PAK5: variants seen among roughly 807,000 people sequenced by gnomAD.
PAK5 encodes the protein serine/threonine-protein kinase PAK 5.
In PAK5, 16 loss-of-function variants were observed where a neutral mutation model predicts 65.9. That is an observed-to-expected ratio of 0.24 (90% CI 0.16 to 0.37). The LOEUF is 0.37. PAK5 is among the 10% of genes least tolerant of loss of function. The pLI is 1.00. For missense variants in PAK5, 785 were observed against 903.9 expected (o/e 0.87, Z 1.69); for synonymous variants, 371 against 354.9 (o/e 1.05, Z -0.51).
chr20:9,783,570 G>T (rs1010634334), intron 1 of PAK5, among the ~76,000 whole-genome samples: 1 of 152,100 alleles, frequency 6.6e-6, no homozygotes, highest in African/African-American at 2.4e-5. Flanking sequence ...TAAATCTCAA[G>T]AAGGTTACCT....
chr20:9,657,932 C>T (rs1389785383), intron 2 of PAK5, among the ~76,000 whole-genome samples: 1 of 152,088 alleles, frequency 6.6e-6, no homozygotes, highest in African/African-American at 2.4e-5. Context: ...CTAGATAGTC[C>T]CAGATTCTCC....
intron 1 of PAK5, among the ~76,000 whole-genome samples, chr20:9,718,151 T>C (rs2048171873): frequency 6.6e-6 from 1 of 151,958 alleles, no homozygotes. Context: ...TTATATACCA[T>C]AGAATTTTAG....
chr20:9,712,989 T>C (rs769837520), intron 1 of PAK5, among the ~76,000 whole-genome samples: 20 of 151,854 alleles, frequency 1.3e-4, no homozygotes, highest in South Asian at 2.1e-4. Flanking sequence ...CTCAAAAGAA[T>C]AGGCAAAAAA....
intron 1 of PAK5, among the ~76,000 whole-genome samples, chr20:9,806,151 T>C (rs898429739): frequency 3.3e-5 from 5 of 151,942 alleles, no homozygotes; most frequent in Admixed American, 2.0e-4. Context: ...TTTATTTATT[T>C]ATTTATTTTG....
chr20:9,663,961 A>G (rs2047379400), intron 2 of PAK5, among the ~76,000 whole-genome samples: 1 of 152,212 alleles, frequency 6.6e-6, no homozygotes, highest in Non-Finnish European at 1.5e-5. Flanking sequence ...GCAATGCTAC[A>G]TAGCAGGGAG....
intron 8 of PAK5, among the ~76,000 whole-genome samples, chr20:9,543,798 G>C (rs2045303580): frequency 6.6e-6 from 1 of 152,058 alleles, no homozygotes; most frequent in Admixed American, 6.5e-5. Context: ...ACATTTCCAG[G>C]CCCTACCTCT....
intron 4 of PAK5, among the ~76,000 whole-genome samples, chr20:9,570,558 G>A (rs1248594812): frequency 6.6e-6 from 1 of 152,208 alleles, no homozygotes; most frequent in Non-Finnish European, 1.5e-5. Flanking sequence ...GTCAGTGTAA[G>A]TTAAACAACT....
At chr20:9,687,546 G>A (rs565326544) in intron 2 of PAK5, among the ~76,000 whole-genome samples, 57 of 152,246 alleles carry the variant, frequency 3.7e-4, no homozygotes, top group South Asian at 1.5e-3. Flanking sequence ...ATACAGGGGC[G>A]TCTTTGGGTA....
chr20:9,633,322 G>GA (rs1195772192), intron 3 of PAK5, among the ~76,000 whole-genome samples: 10 of 152,056 alleles, frequency 6.6e-5, no homozygotes, highest in Non-Finnish European at 7.4e-5. Context: ...TGAGAAAAAT[G>GA]AAAAATTGAG....
chr20:9,741,961 G>A (rs966319941), intron 1 of PAK5, among the ~76,000 whole-genome samples: 1 of 152,122 alleles, frequency 6.6e-6, no homozygotes, highest in Non-Finnish European at 1.5e-5. Context: ...CAGGGATCTT[G>A]CCTTTGTGTC....
chr20:9,813,857 G>T (rs6118742), intron 1 of PAK5, among the ~76,000 whole-genome samples: 1 of 152,162 alleles, frequency 6.6e-6, no homozygotes, highest in East Asian at 1.9e-4. Flanking sequence ...CTTGTACAAA[G>T]GTGTGCTCAC....
intron 1 of PAK5, among the ~76,000 whole-genome samples, chr20:9,825,930 T>A (rs527537276): frequency 6.6e-6 from 1 of 152,292 alleles, no homozygotes; most frequent in East Asian, 1.9e-4. Context: ...TTATATTCAC[T>A]CAAATTCAAA....
chr20:9,757,044 T>C (rs534007165), intron 1 of PAK5, among the ~76,000 whole-genome samples: 37 of 152,278 alleles, frequency 2.4e-4, no homozygotes, highest in African/African-American at 8.9e-4. Flanking sequence ...CCCAGCAGGA[T>C]TGAGCACCAG....
intron 6 of PAK5, among the ~76,000 whole-genome samples, chr20:9,559,574 C>A (rs1170292555): frequency 1.3e-5 from 2 of 152,060 alleles, no homozygotes; most frequent in African/African-American, 4.8e-5. Flanking sequence ...CCAGCCTGGC[C>A]AACATGGTGA....
chr20:9,767,517 T>G (rs1001960086), intron 1 of PAK5, among the ~76,000 whole-genome samples: 2 of 152,230 alleles, frequency 1.3e-5, no homozygotes, highest in African/African-American at 4.8e-5. Flanking sequence ...GGACATAGGC[T>G]CTGTAAGAGT....
intron 1 of PAK5, among the ~76,000 whole-genome samples, chr20:9,716,283 T>A (rs2048146248): frequency 6.6e-6 from 1 of 152,200 alleles, no homozygotes; most frequent in Non-Finnish European, 1.5e-5. Context: ...CAGCTGCTTT[T>A]CAATTAGTTC....
At chr20:9,785,228 G>A (rs983595336) in intron 1 of PAK5, among the ~76,000 whole-genome samples, 1 of 152,154 alleles carries the variant, frequency 6.6e-6, no homozygotes. Context: ...TTATCATGCA[G>A]ATGGAAGTCA....
At chr20:9,659,283 C>T (rs1276458728) in intron 2 of PAK5, among the ~76,000 whole-genome samples, 1 of 152,176 alleles carries the variant, frequency 6.6e-6, no homozygotes, top group Non-Finnish European at 1.5e-5. Context: ...AGGAATTTCA[C>T]ATCAAGCCAG....
At chr20:9,766,064 A>G (rs866815829) in intron 1 of PAK5, among the ~76,000 whole-genome samples, 1 of 151,830 alleles carries the variant, frequency 6.6e-6, no homozygotes, top group South Asian at 2.1e-4. Flanking sequence ...TCTACTAAAA[A>G]TACAAAATTT....
Sources: allele counts gnomAD v4.1 joint callset (sites outside exome capture counted in the v4.1 genomes callset), GRCh38; gene constraint gnomAD v4.1.1; transcripts MANE v1.5; gene names NCBI Gene and HGNC (gene_info 2026-07-23, HGNC 2026-07-21).